The following SCAMP1 variants were observed in gnomAD, a reference collection of about 807,000 sequenced individuals.
The protein encoded by SCAMP1 is secretory carrier membrane protein 1.
Under a neutral mutation model 41.8 loss-of-function variants are expected in SCAMP1, and 15 were observed. The observed-to-expected ratio is 0.36, with a 90% CI of 0.24 to 0.55. The LOEUF is 0.55. Among genes scored for constraint, SCAMP1 ranks in the 20% least tolerant of loss-of-function variants. The probability of loss-of-function intolerance (pLI) is 0.86; values close to 1 mark genes in which losing one functional copy is unlikely to be tolerated. For missense variants in SCAMP1, 341 were observed against 412.6 expected, an observed-to-expected ratio of 0.83 and a Z score of 1.50; for synonymous variants, 135 against 136.8, an observed-to-expected ratio of 0.99 and a Z score of 0.09.
At chr5:78,468,665 G>GA (rs1753800776) in intron 8 of SCAMP1, among the ~76,000 whole-genome samples, 1 of 152,086 alleles carries the variant, frequency 6.6e-6, no homozygotes, top group South Asian at 2.1e-4. Flanking sequence ...AAGAATTTTA[G>GA]AAAAAAGTTA....
intron 6 of SCAMP1, among the ~76,000 whole-genome samples, chr5:78,430,019 A>C (rs1024052955): frequency 1.3e-5 from 2 of 150,632 alleles, no homozygotes; most frequent in Non-Finnish European, 3.0e-5. Context: ...GGAGTTCTTT[A>C]TTTATTACTA....
At chr5:78,363,260 T>C (rs1750707180) in intron 1 of SCAMP1, among the ~76,000 whole-genome samples, 1 of 151,862 alleles carries the variant, frequency 6.6e-6, no homozygotes, top group South Asian at 2.1e-4. Context: ...TCGCCCAGGT[T>C]GGAGTGCAGT....
At chr5:78,397,975 TGGA>T (rs1424619309) in intron 2 of SCAMP1, among the ~76,000 whole-genome samples, 2 of 152,188 alleles carry the variant, frequency 1.3e-5, no homozygotes, top group East Asian at 3.8e-4. Context: ...TGTGGAGAAT[TGGA>T]ACCTTCACAC....
At chr5:78,379,921 G>T (rs966256322) in intron 1 of SCAMP1, among the ~76,000 whole-genome samples, 1 of 152,014 alleles carries the variant, frequency 6.6e-6, no homozygotes, top group Non-Finnish European at 1.5e-5. Context: ...ACATTTCATG[G>T]TTCCAAAGTA....
chr5:78,435,445 A>G (rs1211958083), intron 6 of SCAMP1, among the ~76,000 whole-genome samples: 2 of 152,162 alleles, frequency 1.3e-5, no homozygotes, highest in Non-Finnish European at 2.9e-5. Context: ...CTCATTGTTC[A>G]GTTCCCACCT....
At chr5:78,436,436 A>G (rs1029874359) in intron 6 of SCAMP1, among the ~76,000 whole-genome samples, 10 of 152,208 alleles carry the variant, frequency 6.6e-5, no homozygotes, top group Non-Finnish European at 1.0e-4. Flanking sequence ...TCAGCTTTCT[A>G]CATCTGGCTA....
At chr5:78,471,290 T>C (rs1753877387) in intron 8 of SCAMP1, among the ~76,000 whole-genome samples, 1 of 152,080 alleles carries the variant, frequency 6.6e-6, no homozygotes. Flanking sequence ...GCTTAAAGGG[T>C]GCGTGAGATT....
chr5:78,406,026 A>C (rs891385452), intron 2 of SCAMP1, among the ~76,000 whole-genome samples: 1 of 152,234 alleles, frequency 6.6e-6, no homozygotes, highest in African/African-American at 2.4e-5. Context: ...TTGCTGAATC[A>C]ACGGCTGTTA....
chr5:78,464,265 T>A (rs1753687282), intron 8 of SCAMP1, among the ~76,000 whole-genome samples: 1 of 152,170 alleles, frequency 6.6e-6, no homozygotes, highest in Non-Finnish European at 1.5e-5. Context: ...TGCCTCAGCC[T>A]CCTGAGTAGC....
intron 8 of SCAMP1, among the ~76,000 whole-genome samples, chr5:78,462,756 C>T (rs1162117310): frequency 6.6e-6 from 1 of 152,026 alleles, no homozygotes; most frequent in Non-Finnish European, 1.5e-5. Context: ...AAAAAAAAAT[C>T]ATTACATAGA....
rs1162310706 is a variant in SCAMP1 at position 78,415,737 on chromosome 5, T to A, written c.234+119T>A. 3 of 662,846 alleles carry A rather than the reference T, an allele frequency of 4.5e-6. No homozygotes were observed. In the African/African-American group the frequency reaches 5.5e-5, roughly 12 times the overall value. 41.1% of individuals were successfully genotyped at this position (662,846 alleles called of 1,614,324 possible). On this transcript the variant is annotated intron_variant, in intron 3 of 8. Coordinates refer to ENST00000621999, the MANE Select transcript of SCAMP1 (RefSeq NM_004866.6). Reference sequence around the variant, plus strand: ...TTCTGTTGCTTAATTTTTAACTCACTTTCAAGTCTGGATTTGCTGTCTTGT... The same window carrying A: ...TTCTGTTGCTTAATTTTTAACTCACATTCAAGTCTGGATTTGCTGTCTTGT...
chr5:78,438,353 C>T (rs550230129), intron 6 of SCAMP1, among the ~76,000 whole-genome samples: 35 of 152,158 alleles, frequency 2.3e-4, no homozygotes, highest in South Asian at 4.1e-4. Context: ...GAGCATTTAG[C>T]GCTATAAATT....
chr5:78,422,915 T>C (rs1752372946), intron 6 of SCAMP1, among the ~76,000 whole-genome samples: 1 of 152,148 alleles, frequency 6.6e-6, no homozygotes, highest in Non-Finnish European at 1.5e-5. Flanking sequence ...TTAAAGGATA[T>C]ATTAGGGAAA....
intron 6 of SCAMP1, among the ~76,000 whole-genome samples, chr5:78,447,888 C>G (rs1440884075): frequency 2.3e-5 from 2 of 88,428 alleles, no homozygotes. Context: ...CCTTCCTCCC[C>G]CTTCTCCCTC....
chr5:78,363,002 C>G (rs150009659), intron 1 of SCAMP1, among the ~76,000 whole-genome samples: 1 of 150,434 alleles, frequency 6.6e-6, no homozygotes, highest in Non-Finnish European at 1.5e-5. Flanking sequence ...AAGTGATTCT[C>G]CTGCCTCAAC....
At chr5:78,373,393 C>G (rs918211376) in intron 1 of SCAMP1, among the ~76,000 whole-genome samples, 3 of 152,108 alleles carry the variant, frequency 2.0e-5, no homozygotes, top group Admixed American at 6.6e-5. Flanking sequence ...AGGCTTGCTA[C>G]ATCCAATATA....
chr5:78,439,472 G>T (rs1481740666), intron 6 of SCAMP1, among the ~76,000 whole-genome samples: 1 of 151,896 alleles, frequency 6.6e-6, no homozygotes, highest in Non-Finnish European at 1.5e-5. Context: ...CTTCACTTAT[G>T]AAGCTTAGTT....
chr5:78,393,533 A>G (rs1751571037), intron 2 of SCAMP1, among the ~76,000 whole-genome samples: 1 of 152,252 alleles, frequency 6.6e-6, no homozygotes, highest in African/African-American at 2.4e-5. Context: ...AGTTGTAACA[A>G]GACACTTTAT....
At chr5:78,374,853 T>G (rs1751027193) in intron 1 of SCAMP1, among the ~76,000 whole-genome samples, 1 of 152,070 alleles carries the variant, frequency 6.6e-6, no homozygotes, top group East Asian at 1.9e-4. Context: ...TGATATGAAT[T>G]TTTCAAAATC....
Sources: allele counts gnomAD v4.1 joint callset (sites outside exome capture counted in the v4.1 genomes callset), GRCh38; gene constraint gnomAD v4.1.1; transcripts MANE v1.5; gene names NCBI Gene and HGNC (gene_info 2026-07-23, HGNC 2026-07-21).